MEP1A: variants seen among roughly 807,000 people sequenced by gnomAD.
MEP1A encodes meprin A subunit alpha, also known as N-benzoyl-L-tyrosyl-P-amino-benzoic acid hydrolase subunit alpha.
Under a neutral mutation model 84.5 loss-of-function variants are expected in MEP1A, and 68 were observed. The ratio of observed to expected loss-of-function variants is 0.80; its 90% confidence interval spans 0.66 to 0.98. The LOEUF is 0.98. MEP1A is among the 50% of genes least tolerant of loss of function. MEP1A has a pLI of 0.00. For synonymous variants in MEP1A, 337 were observed against 336.8 expected (o/e 1.00, Z -0.01); for missense variants, 887 against 919.9 (o/e 0.96, Z 0.46).
intron 9 of MEP1A, 134 bp downstream of exon 9, chr6:46,826,637 T>G (rs1473604014): frequency 1.4e-6 from 1 of 702,334 alleles, no homozygotes; most frequent in Non-Finnish European, 2.1e-6. Flanking sequence ...AAAAAACATT[T>G]CTTATATCTT....
Position 46,834,575 on chromosome 6 carries a change from C to T in MEP1A, c.1610-3C>T. ...TGATTTTATGTTACCTACAACTTTG[C>T]AGCGATAAATGACACTGTCATCTGG... On this transcript the variant is annotated splice_polypyrimidine_tract_variant and splice_region_variant and intron_variant, in intron 11 of 13. Transcript: ENST00000230588. The T allele has an allele frequency of 1.3e-6, 2 of 1,597,846 alleles. No homozygotes were observed. The highest frequency in any genetic ancestry group is 1.7e-6 in the Non-Finnish European group (2 of 1,172,192).
chr6:46,798,847 G>T (rs1581662370), intron 4 of MEP1A, among the ~76,000 whole-genome samples: 2 of 152,156 alleles, frequency 1.3e-5, no homozygotes, highest in South Asian at 2.1e-4. Context: ...GCACAAAAGG[G>T]TCTAAAATGA....
intron 3 of MEP1A, 50 bp from the exon 4 acceptor site, chr6:46,798,556 T>A: frequency 1.4e-6 from 2 of 1,450,050 alleles, no homozygotes; most frequent in Non-Finnish European, 9.7e-7. Context: ...AGATGCCTTT[T>A]AATAATGTTC....
At chr6:46,835,174 T>A in intron 12 of MEP1A, 75 bp from the exon 13 acceptor site, 1 of 1,354,662 alleles carries the variant, frequency 7.4e-7, no homozygotes, top group Non-Finnish European at 1.0e-6. Flanking sequence ...GCTGGGGAAC[T>A]TTCACCAGAA....
At position 46,835,320 on chromosome 6, in the gene MEP1A, C is replaced by A; in HGVS notation, c.1855C>A (p.Gln619Lys). Residue 619 changes from glutamine (Q) to lysine (K), a missense_variant, in exon 13 of 14, where the codon CAA becomes AAA. Gln to Lys is a moderately conservative substitution (Grantham distance 53). Transcript: ENST00000230588. ...KRLSPQGLIL[Q>K]GQEQQVSEEG... ...ACTGAGCCCCCAAGGCCTCATTCTC[C>A]AAGGCCAGGAGCAGCAGGTCTCCGA... 1 of 1,608,162 alleles carries A rather than the reference C, an allele frequency of 6.2e-7. No individual in the cohort carries two copies. The highest frequency in any genetic ancestry group is 1.1e-5 in the South Asian group (1 of 89,700).
At chr6:46,811,404 A>G (rs1458451952) in intron 6 of MEP1A, among the ~76,000 whole-genome samples, 3 of 151,972 alleles carry the variant, frequency 2.0e-5, no homozygotes, top group Non-Finnish European at 4.4e-5. Flanking sequence ...GTATACAATC[A>G]TATCATCAGC....
In MEP1A at chr6:46,837,241, C is replaced by A. The variant is rs113410366; in HGVS notation, c.2084+1692C>A. 6.7e-3 allele frequency among the ~76,000 whole-genome samples: 1,025 copies of A among 152,278 alleles called. 7 individuals carry two copies. The highest frequency in any genetic ancestry group is 7.8e-3 in the Non-Finnish European group (528 of 68,022). On this transcript the variant is annotated intron_variant, in intron 13 of 13. Coordinates refer to ENST00000230588, the MANE Select transcript of MEP1A (RefSeq NM_005588.3). ...TAATTTGTTTATGTGATTGTTTATT[C>A]ACATCACGAAGGAATCATAAACATT...
At chr6:46,797,890 CCTTCCTTCCTTCCTTCCTT>C (rs1767094716) in intron 3 of MEP1A, among the ~76,000 whole-genome samples, 1 of 35,538 alleles carries the variant, frequency 2.8e-5, no homozygotes, top group Non-Finnish European at 5.9e-5. Context: ...TTCCTTCCTT[CCTTCCTTCCTTCCTTCCTT>C]CCTTCCTTCC....
downstream of MEP1A, among the ~76,000 whole-genome samples, chr6:46,842,686 C>T (rs1189325162): frequency 6.6e-6 from 1 of 152,104 alleles, no homozygotes; most frequent in Non-Finnish European, 1.5e-5. Context: ...TTTTATTGCC[C>T]TTTGAAGCAT....
chr6:46,824,614 A>ATATATATAAAT (rs1491517105), intron 7 of MEP1A, among the ~76,000 whole-genome samples: 2 of 133,212 alleles, frequency 1.5e-5, no homozygotes, highest in East Asian at 4.2e-4. Context: ...ATGTATTTAA[A>ATATATATAAAT]TATATATAAA....
intron 6 of MEP1A, among the ~76,000 whole-genome samples, chr6:46,816,650 T>C (rs1004530211): frequency 4.6e-5 from 7 of 152,060 alleles, no homozygotes; most frequent in African/African-American, 1.7e-4. Flanking sequence ...AACATGAACC[T>C]GAACCTGGTT....
intron 3 of MEP1A, among the ~76,000 whole-genome samples, chr6:46,795,104 A>G (rs767784025): frequency 1.1e-4 from 16 of 152,194 alleles, no homozygotes; most frequent in Non-Finnish European, 1.9e-4. Flanking sequence ...CACAAGGCTG[A>G]GTAAACGTTT....
intron 10 of MEP1A, among the ~76,000 whole-genome samples, chr6:46,831,903 C>A (rs1768086150): frequency 1.3e-5 from 2 of 152,108 alleles, no homozygotes; most frequent in African/African-American, 4.8e-5. Flanking sequence ...CCTTCTCTAC[C>A]TCTCTCCTGT....
At chr6:46,828,894 A>G (rs1245682886) in intron 9 of MEP1A, among the ~76,000 whole-genome samples, 1 of 136,836 alleles carries the variant, frequency 7.3e-6, no homozygotes, top group East Asian at 2.0e-4. Flanking sequence ...GGCTAGCAAC[A>G]GGGGAAATTG....
At position 46,826,502 on chromosome 6, in the gene MEP1A, A is replaced by G. The variant is rs750227023; in HGVS notation, c.927A>G (p.Thr309=). 2 of 1,540,418 alleles carry G rather than the reference A, an allele frequency of 1.3e-6. No individual in the cohort carries two copies. Among genetic ancestry groups the G allele is most frequent in the Admixed American group, 3.9e-5 (2 of 51,200 alleles). Residue 309 remains threonine (T), a splice_region_variant and synonymous_variant, in exon 9 of 14, where the codon ACA becomes ACG. Coordinates refer to ENST00000230588, the MANE Select transcript of MEP1A (RefSeq NM_005588.3). ...EVDHTLLGQC[T]GAGYFMQFST... ...ATCACACCTTGTTGGGACAATGCACAGGTCAGTGAAAGTGGAAAGCAAACA... is the reference window on the plus strand; with the variant it reads ...ATCACACCTTGTTGGGACAATGCACGGGTCAGTGAAAGTGGAAAGCAAACA...
Position 46,809,438 on chromosome 6 carries a change from C to T in MEP1A, c.281C>T (p.Ala94Val), listed in dbSNP as rs1020962648. ...ADNLGLNAKGAILYAFEMFRL... is the reference protein window; with the variant it reads ...ADNLGLNAKGVILYAFEMFRL... The stretch of plus-strand genomic sequence containing the variant: ...TCTGCAGGGCTGAATGCTAAAGGAG[C>T]CATTCTGTATGCCTTTGAGATGTTC... Residue 94 changes from alanine to valine, a missense_variant, in exon 6 of 14, where the codon GCC (alanine) becomes GTC (valine). Transcript: ENST00000230588. 16 of 1,606,032 alleles carry T rather than the reference C, an allele frequency of 1.0e-5. 1 individual carries two copies. In the Admixed American group the frequency reaches 2.4e-4, roughly 24 times the overall value.
chr6:46,825,571 T>C, intron 8 of MEP1A, 78 bp downstream of exon 8: 1 of 1,022,548 alleles, frequency 9.8e-7, no homozygotes, highest in Non-Finnish European at 1.4e-6. Flanking sequence ...TTCCTTTACA[T>C]TTTCCTTTAC....
intron 6 of MEP1A, among the ~76,000 whole-genome samples, chr6:46,815,086 C>G (rs904685240): frequency 6.6e-6 from 1 of 152,202 alleles, no homozygotes; most frequent in Non-Finnish European, 1.5e-5. Flanking sequence ...AGGATGCAAA[C>G]CTGCCCTAGG....
At chr6:46,842,193 T>C (rs1472161461), downstream of MEP1A, among the ~76,000 whole-genome samples, 1 of 149,086 alleles carries the variant, frequency 6.7e-6, no homozygotes, top group Non-Finnish European at 1.5e-5. Context: ...TTGTAAAACA[T>C]GTGTGTTTGA....
Sources: gnomAD v4.1 joint callset for allele counts (sites outside exome capture counted in the v4.1 genomes callset) on GRCh38, gnomAD v4.1.1 for gene constraint, MANE v1.5 for transcripts, NCBI Gene and HGNC (gene_info 2026-07-23, HGNC 2026-07-21) for gene names.